NEU3: variants seen among roughly 807,000 people sequenced by gnomAD.
The protein encoded by NEU3 is sialidase-3.
In NEU3, 10 loss-of-function variants were observed where a neutral mutation model predicts 11.4. The ratio of observed to expected loss-of-function variants is 0.88; its 90% confidence interval spans 0.54 to 1.49. The LOEUF is 1.49. Ranked by LOEUF, NEU3 falls within the 40% of genes most tolerant of loss-of-function variation. The pLI, the probability that NEU3 is intolerant of heterozygous loss-of-function variation, is 0.00. For synonymous variants in NEU3, 212 were observed against 228.2 expected (o/e 0.93, Z 0.64); for missense variants, 529 against 581.8 (o/e 0.91, Z 0.93).
chr11:74,983,223 T>C, the NEU3 span, among the ~76,000 whole-genome samples: 1 of 152,308 alleles, frequency 6.6e-6, no homozygotes, highest in Non-Finnish European at 1.5e-5. Context: ...AATGTACTGC[T>C]GTTTTATGGC....
At chr11:74,984,740 CCTCG>C (rs1346418719), upstream of NEU3, among the ~76,000 whole-genome samples, 1 of 152,134 alleles carries the variant, frequency 6.6e-6, no homozygotes, top group East Asian at 1.9e-4. Flanking sequence ...GGCCTGATCC[CCTCG>C]CTTTAGTTGC....
chr11:74,997,690 C>CAAA lies in NEU3; in HGVS notation c.306+2991_306+2993dup, dbSNP rs35900546. Among the ~76,000 whole-genome samples the CAAA allele has an allele frequency of 2.4e-3, 238 of 97,658 alleles. 1 individual carries two copies. Among genetic ancestry groups the CAAA allele is most frequent in the Non-Finnish European group, 2.9e-3 (152 of 51,706 alleles). 64.1% of individuals were successfully genotyped at this position (97,658 alleles called of 152,430 possible). On this transcript the variant is annotated intron_variant, in intron 2 of 2. Transcript: ENST00000294064. ...GAAATCCCGTCTCTACTAAAAATAC[C>CAAA]AAAAAAAAAAAAAAAAAAAAAAATT...
chr11:74,994,886 G>A (rs1948772696), intron 2 of NEU3, 166 bp downstream of exon 2: 1 of 721,808 alleles, frequency 1.4e-6, no homozygotes, highest in African/African-American at 1.7e-5. Context: ...CTTATTGTGT[G>A]CCAGGGGCAC....
chr11:74,981,627 GTCTCTGACCCAGGAA>G, the NEU3 span, among the ~76,000 whole-genome samples: 1 of 152,162 alleles, frequency 6.6e-6, no homozygotes, highest in Non-Finnish European at 1.5e-5. Context: ...AAAGTTATTT[GTCTCTGACCCAGGAA>G]TCTCATGTCT....
At chr11:75,016,047 G>A (rs1480929218) in intron 3 of NEU3, among the ~76,000 whole-genome samples, 1 of 152,216 alleles carries the variant, frequency 6.6e-6, no homozygotes, top group Non-Finnish European at 1.5e-5. Flanking sequence ...ACTCAGCTGT[G>A]TGGAAGGGGC....
intron 2 of NEU3, among the ~76,000 whole-genome samples, chr11:74,999,629 G>A (rs1948823859): frequency 6.6e-6 from 1 of 152,236 alleles, no homozygotes; most frequent in Admixed American, 6.5e-5. Context: ...ATTAATAATA[G>A]ATACTACATA....
chr11:75,003,158 G>C (rs932627093), intron 2 of NEU3, among the ~76,000 whole-genome samples: 2 of 152,140 alleles, frequency 1.3e-5, no homozygotes, highest in Non-Finnish European at 2.9e-5. Context: ...ATGGTTTTAA[G>C]GGTTGTTCTG....
At chr11:74,996,846 A>T (rs933031969) in intron 2 of NEU3, among the ~76,000 whole-genome samples, 2 of 152,216 alleles carry the variant, frequency 1.3e-5, no homozygotes, top group African/African-American at 4.8e-5. Context: ...TAATCTCCTC[A>T]TACATCTCCA....
intron 2 of NEU3, chr11:75,004,332 C>G: frequency 1.5e-6 from 1 of 668,214 alleles, no homozygotes; most frequent in South Asian, 1.6e-5. Flanking sequence ...GTTGCCCAGA[C>G]TGGTCTCAAA....
At chr11:75,003,986 C>T (rs575189726) in intron 2 of NEU3, among the ~76,000 whole-genome samples, 55 of 152,176 alleles carry the variant, frequency 3.6e-4, no homozygotes, top group African/African-American at 1.3e-3. Context: ...TCTGTATTGA[C>T]GAATATTTGA....
At position 74,989,013 on chromosome 11, in the gene NEU3, C is replaced by T. The variant is rs941116080; in HGVS notation, c.-48C>T. The T allele has an allele frequency of 1.6e-5, 23 of 1,398,094 alleles. No homozygotes were observed. Among genetic ancestry groups the T allele is most frequent in the Non-Finnish European group, 2.2e-5 (22 of 1,010,214 alleles). 86.6% of individuals were successfully genotyped at this position (1,398,094 alleles called of 1,614,324 possible). ...TTTCTCCCTCTCTATCCTCCTCTGT[C>T]TCAGTCTCCCCAGCCTTGGGGCCGG... On this transcript the variant is annotated 5_prime_UTR_variant, in exon 1 of 3. Transcript: ENST00000294064.
chr11:74,984,972 C>T (rs1948656935), upstream of NEU3, among the ~76,000 whole-genome samples: 1 of 152,160 alleles, frequency 6.6e-6, no homozygotes, highest in Non-Finnish European at 1.5e-5. Context: ...CGAGATCACT[C>T]AGCTAGGAAG....
At chr11:75,012,380 T>C (rs1388070423), downstream of NEU3, among the ~76,000 whole-genome samples, 3 of 152,196 alleles carry the variant, frequency 2.0e-5, no homozygotes, top group African/African-American at 7.2e-5. Context: ...TTAAATTGGC[T>C]TATAAAGGTA....
At chr11:74,995,308 G>C (rs1459430130) in intron 2 of NEU3, among the ~76,000 whole-genome samples, 1 of 152,168 alleles carries the variant, frequency 6.6e-6, no homozygotes, top group African/African-American at 2.4e-5. Flanking sequence ...TTTTGCAGGA[G>C]GCAACCAGGC....
At chr11:74,990,547 A>T (rs1477275854) in intron 1 of NEU3, among the ~76,000 whole-genome samples, 1 of 151,940 alleles carries the variant, frequency 6.6e-6, no homozygotes, top group Non-Finnish European at 1.5e-5. Flanking sequence ...TTTAGTAGAG[A>T]TGGGGTGTCA....
In NEU3 at chr11:75,005,675, C is replaced by T. The variant is rs1454376479; in HGVS notation, c.569C>T (p.Ala190Val). The T allele has an allele frequency of 1.2e-6, 2 of 1,613,994 alleles. No individual in the cohort carries two copies. Among genetic ancestry groups the T allele is most frequent in the Non-Finnish European group, 1.7e-6 (2 of 1,179,896 alleles). Reference protein sequence around the residue: ...EVIGSELKHWATFAVGPGHGI... With the variant: ...EVIGSELKHWVTFAVGPGHGI... ...ATTGGCTCAGAGCTGAAGCACTGGG[C>T]CACATTTGCTGTGGGCCCAGGTCAT... Residue 190 changes from alanine (A) to valine (V), a missense_variant, in exon 3 of 3, where the codon GCC becomes GTC. Coordinates refer to ENST00000294064, the MANE Select transcript of NEU3 (RefSeq NM_006656.6).
downstream of NEU3, among the ~76,000 whole-genome samples, chr11:75,014,298 G>C (rs1207358046): frequency 6.6e-6 from 1 of 152,182 alleles, no homozygotes; most frequent in Non-Finnish European, 1.5e-5. Context: ...TAGTGCCAGA[G>C]GCCTCAGACA....
At chr11:75,011,844 T>TC (rs1948957609), downstream of NEU3, among the ~76,000 whole-genome samples, 1 of 151,962 alleles carries the variant, frequency 6.6e-6, no homozygotes, top group African/African-American at 2.4e-5. Context: ...CTTTTTTTTT[T>TC]TCCTAAGTTT....
At position 74,994,504 on chromosome 11, in the gene NEU3, T is replaced by A; in HGVS notation, c.95-5T>A. 1 of 1,600,800 alleles carries A rather than the reference T, an allele frequency of 6.2e-7. No individual in the cohort carries two copies. The highest frequency in any genetic ancestry group is 8.5e-7 in the Non-Finnish European group (1 of 1,172,078). On this transcript the variant is annotated splice_polypyrimidine_tract_variant and splice_region_variant and intron_variant, in intron 1 of 2. Transcript: ENST00000294064. ...CACACATTAAGCTTCCTTCTATCCT[T>A]GCAGAGGTCATGGAAGAAGTGACAA...
Sources: allele counts gnomAD v4.1 joint callset (sites outside exome capture counted in the v4.1 genomes callset), GRCh38; gene constraint gnomAD v4.1.1; transcripts MANE v1.5; gene names NCBI Gene and HGNC (gene_info 2026-07-23, HGNC 2026-07-21).